HEATR3: variants seen among roughly 807,000 people sequenced by gnomAD.
HEATR3 encodes the protein HEAT repeat-containing protein 3.
HEATR3 carries 56 observed loss-of-function variants against 72.8 expected under a neutral mutation model. The ratio of observed to expected loss-of-function variants is 0.77; its 90% CI spans 0.62 to 0.96. The LOEUF (loss-of-function observed/expected upper bound fraction) is 0.96, where lower values mean the gene tolerates loss of function less well. Ranked by LOEUF, HEATR3 falls within the 40% of genes least tolerant of loss-of-function variation. The pLI is 0.00. For missense variants in HEATR3, 747 were observed against 831.4 expected (o/e 0.90, Z 1.25); for synonymous variants, 331 against 318.1 (o/e 1.04, Z -0.43).
Position 50,066,534 on chromosome 16 carries a change from G to A in HEATR3, c.306G>A (p.Ala102=). The A allele has an allele frequency of 7.6e-7, 1 of 1,308,622 alleles. No homozygotes were observed. The highest frequency in any genetic ancestry group is 9.7e-7 in the Non-Finnish European group (1 of 1,033,300). 81.1% of individuals were successfully genotyped at this position (1,308,622 alleles called of 1,614,324 possible). Residue 102 remains alanine (A), a synonymous_variant, in exon 2 of 15, where the codon GCG becomes GCA. Coordinates refer to ENST00000299192, the MANE Select transcript of HEATR3 (RefSeq NM_182922.4). ...SLAVRETAAG[A]LRNLSACGGF... Reference sequence around the variant, plus strand: ...CCGTCAGGGAGACTGCAGCCGGCGCGCTGAGGTGAGCCAGGAAGGGTGCGG... The same window carrying A: ...CCGTCAGGGAGACTGCAGCCGGCGCACTGAGGTGAGCCAGGAAGGGTGCGG...
intron 14 of HEATR3, among the ~76,000 whole-genome samples, chr16:50,103,175 G>T (rs1054358837): frequency 3.3e-5 from 5 of 152,180 alleles, no homozygotes; most frequent in Admixed American, 6.5e-5. Flanking sequence ...TATATTAATA[G>T]TTAGAGTCAT....
rs79109291 is a variant in HEATR3, at chr16:50,070,305, A to G, written c.512+15A>G. 463 of 1,297,004 alleles carry G rather than the reference A, an allele frequency of 3.6e-4. No homozygotes were observed. The highest frequency in any genetic ancestry group is 4.7e-4 in the Non-Finnish European group (417 of 894,270). 80.3% of individuals were successfully genotyped at this position (1,297,004 alleles called of 1,614,324 possible). A position where few individuals can be genotyped will look rare whatever the true frequency, so the allele number is the denominator to read the frequency against. ...TGGAATATATGGTAAGATGCCTACC[A>G]AACACAGTCTCCTGCTATAGCAGTA... On this transcript the variant is annotated intron_variant, in intron 4 of 14. Coordinates refer to ENST00000299192, the MANE Select transcript of HEATR3 (RefSeq NM_182922.4).
At chr16:50,078,551 G>A (rs2036790933) in intron 6 of HEATR3, among the ~76,000 whole-genome samples, 190 bp from the exon 7 acceptor site, 2 of 152,310 alleles carry the variant, frequency 1.3e-5, no homozygotes, top group South Asian at 4.1e-4. Flanking sequence ...GGAGATGATT[G>A]TGCAGGGTTA....
In HEATR3 at chr16:50,104,925, T is replaced by G. The variant is rs565586395; in HGVS notation, c.1921-14T>G. 61 of 1,570,622 alleles carry G rather than the reference T, an allele frequency of 3.9e-5. No individual in the cohort carries two copies. The highest frequency in any genetic ancestry group is 3.4e-4 in the Admixed American group (16 of 47,184). On this transcript the variant is annotated splice_polypyrimidine_tract_variant and intron_variant, in intron 14 of 14. Transcript: ENST00000299192. ...CTACCAAGTCATATATGATTTTTTG[T>G]TTTTTGTTTGCAGATACGTAAAGAA...
chr16:50,077,920 A>G (rs2036775099), intron 6 of HEATR3, among the ~76,000 whole-genome samples: 1 of 113,254 alleles, frequency 8.8e-6, no homozygotes, highest in South Asian at 2.8e-4. Flanking sequence ...TCTGTCACCC[A>G]GGCTGGAGTG....
intron 11 of HEATR3, among the ~76,000 whole-genome samples, chr16:50,092,108 G>A (rs1437615012): frequency 1.3e-5 from 2 of 152,098 alleles, no homozygotes; most frequent in African/African-American, 2.4e-5. Context: ...ATGCTGAGGC[G>A]GGTGGATTGC....
At chr16:50,092,683 C>T (rs765611198) in intron 11 of HEATR3, among the ~76,000 whole-genome samples, 15 of 151,858 alleles carry the variant, frequency 9.9e-5, no homozygotes, top group African/African-American at 1.9e-4. Flanking sequence ...ACCTCATGAT[C>T]GGCCCACCTT....
intron 12 of HEATR3, among the ~76,000 whole-genome samples, chr16:50,097,062 G>C (rs1218654096): frequency 6.6e-6 from 1 of 152,042 alleles, no homozygotes; most frequent in Non-Finnish European, 1.5e-5. Context: ...TCCAGGTCCA[G>C]ATTATTTATT....
chr16:50,083,430 G>A (rs1015763592), intron 7 of HEATR3, among the ~76,000 whole-genome samples: 1 of 152,164 alleles, frequency 6.6e-6, no homozygotes, highest in African/African-American at 2.4e-5. Context: ...CAGGAAGCAA[G>A]TCTGTCTGCT....
chr16:50,102,474 C>T (rs2037390405), intron 14 of HEATR3, 39 bp downstream of exon 14: 3 of 1,578,702 alleles, frequency 1.9e-6, no homozygotes, highest in Non-Finnish European at 2.6e-6. Flanking sequence ...TAAGTCTGAA[C>T]ATTCTGTGGG....
rs1205882860 is a variant in HEATR3 at position 50,082,059 on chromosome 16, C to T, written c.1042-1878C>T. 2.6e-5 allele frequency among the ~76,000 whole-genome samples: 4 copies of T among 152,030 alleles called. No homozygotes were observed. The South Asian group carries it at 6.2e-4, about 24-fold the overall frequency. ...CAGAGTTCCTTTTAAGCCAGATCTT[C>T]GGCTGGGCATGGTGGCTCACGCCTG... On this transcript the variant is annotated intron_variant, in intron 7 of 14. Transcript: ENST00000299192.
chr16:50,071,637 TGC>T (rs1191919326), intron 4 of HEATR3, among the ~76,000 whole-genome samples: 1 of 152,240 alleles, frequency 6.6e-6, no homozygotes, highest in Non-Finnish European at 1.5e-5. Context: ...TACACATATA[TGC>T]CTTGTCTTCC....
At position 50,105,738 on chromosome 16, in the gene HEATR3, TG is replaced by T. The variant is rs2037473647; in HGVS notation, c.*678del. On this transcript the variant is annotated 3_prime_UTR_variant, in exon 15 of 15. Coordinates refer to ENST00000299192, the MANE Select transcript of HEATR3 (RefSeq NM_182922.4). ...TGTTTTTGTTTTTGGTTTTTTGGTT[TG>T]TTTTTTTTTTTCAGTAGAGACGGGT... 2 of 151,480 alleles carry T rather than the reference TG, an allele frequency of 1.3e-5. No homozygotes were observed. Among genetic ancestry groups the T allele is most frequent in the South Asian group, 4.2e-4 (2 of 4,806 alleles). 9.4% of individuals were successfully genotyped at this position (151,480 alleles called of 1,614,324 possible).
rs190672108 is a variant in HEATR3 at position 50,105,530 on chromosome 16, G to A, written c.*469G>A. On this transcript the variant is annotated 3_prime_UTR_variant, in exon 15 of 15. Transcript: ENST00000299192. ...CTGTTGCTGGTTTTTTTGTGTGTGT[G>A]TTTTGTTTGTTTGTTTTGTTTTGTT... is the stretch of plus-strand genomic sequence containing the variant. 1.4e-3 allele frequency: 218 copies of A among 154,426 alleles called. No homozygotes were observed. The highest frequency in any genetic ancestry group is 5.1e-3 in the African/African-American group (211 of 41,264). The allele number at this position is 154,426 out of a possible 1,614,324, so 9.6% of individuals were successfully genotyped here. A position where few individuals can be genotyped will look rare whatever the true frequency, so the allele number is the denominator to read the frequency against.
chr16:50,088,383 G>A (rs2037035169), intron 11 of HEATR3, among the ~76,000 whole-genome samples: 1 of 152,164 alleles, frequency 6.6e-6, no homozygotes, highest in Non-Finnish European at 1.5e-5. Flanking sequence ...GTTAACAGGT[G>A]TACCTTTCAA....
intron 11 of HEATR3, among the ~76,000 whole-genome samples, chr16:50,090,274 A>G (rs1353285522): frequency 6.6e-6 from 1 of 152,084 alleles, no homozygotes; most frequent in Non-Finnish European, 1.5e-5. Flanking sequence ...GGATTGCTTG[A>G]GCCCAGGAGG....
chr16:50,093,332 C>G (rs967234887), intron 11 of HEATR3, among the ~76,000 whole-genome samples: 12 of 152,112 alleles, frequency 7.9e-5, no homozygotes, highest in African/African-American at 2.9e-4. Context: ...TATTATTTCT[C>G]GAAGTTTCCT....
chr16:50,105,555 TG>T lies in HEATR3; in HGVS notation c.*495del, dbSNP rs1279766944. ...GTTTTGTTTGTTTGTTTTGTTTTGTTGTTTTTTTCTTTTTTGAGATGGAGTC... is the reference window on the plus strand; with the variant it reads ...GTTTTGTTTGTTTGTTTTGTTTTGTTTTTTTTTCTTTTTTGAGATGGAGTC... On this transcript the variant is annotated 3_prime_UTR_variant, in exon 15 of 15. Transcript: ENST00000299192. 1 of 154,528 alleles carries T rather than the reference TG, an allele frequency of 6.5e-6. No homozygotes were observed. The highest frequency in any genetic ancestry group is 2.4e-5 in the African/African-American group (1 of 41,386). 9.6% of individuals were successfully genotyped at this position (154,528 alleles called of 1,614,324 possible).
At chr16:50,083,901 G>C (rs762605967) in intron 7 of HEATR3, 36 bp from the exon 8 acceptor site, 1 of 1,544,672 alleles carries the variant, frequency 6.5e-7, no homozygotes. Flanking sequence ...CCCAACCATT[G>C]AGAGTTGGTC....
Sources: gnomAD v4.1 joint callset for allele counts (sites outside exome capture counted in the v4.1 genomes callset) on GRCh38, gnomAD v4.1.1 for gene constraint, MANE v1.5 for transcripts, NCBI Gene and HGNC (gene_info 2026-07-23, HGNC 2026-07-21) for gene names.